ADGRG1: variants seen among roughly 807,000 people sequenced by gnomAD.
The protein encoded by ADGRG1 is 7-transmembrane protein with no EGF-like N-terminal domains-1.
In ADGRG1, 53 loss-of-function variants were observed where a neutral mutation model predicts 73.5. The ratio of observed to expected loss-of-function variants is 0.72; its 90% confidence interval spans 0.58 to 0.91. ADGRG1 has a LOEUF of 0.91. Among genes scored for constraint, ADGRG1 ranks in the 40% least tolerant of loss-of-function variants. ADGRG1 has a pLI of 0.00. For synonymous variants in ADGRG1, 394 were observed against 374.4 expected, an observed-to-expected ratio of 1.05 and a Z score of -0.60; for missense variants, 795 against 871.8, an observed-to-expected ratio of 0.91 and a Z score of 1.11.
chr16:57,654,483 T>C (rs1343889726), intron 5 of ADGRG1, among the ~76,000 whole-genome samples: 1 of 137,182 alleles, frequency 7.3e-6, no homozygotes, highest in African/African-American at 2.7e-5. Context: ...AGTGGGGTAA[T>C]CATGTCTCAC....
chr16:57,640,671 G>T (rs976261554), intron 1 of ADGRG1, among the ~76,000 whole-genome samples: 1 of 152,202 alleles, frequency 6.6e-6, no homozygotes, highest in African/African-American at 2.4e-5. Context: ...GCACAGTCAG[G>T]CTCGGGCCCC....
At chr16:57,631,423 G>T in intron 1 of ADGRG1, 1 of 985,370 alleles carries the variant, frequency 1.0e-6, no homozygotes, top group Non-Finnish European at 1.2e-6. Flanking sequence ...CTTCCATGTG[G>T]CAGGGCTCCC....
At chr16:57,645,431 A>G in intron 1 of ADGRG1, 1 of 608,106 alleles carries the variant, frequency 1.6e-6, no homozygotes, top group Non-Finnish European at 2.0e-6. Flanking sequence ...AGCCCCTTCC[A>G]GGGCCCCGCT....
chr16:57,657,124 A>G (rs541791947), intron 9 of ADGRG1, among the ~76,000 whole-genome samples: 128 of 152,364 alleles, frequency 8.4e-4, no homozygotes, highest in African/African-American at 2.7e-3. Flanking sequence ...CCAGGACAGA[A>G]TAGGGGTTCT....
At chr16:57,650,382 T>C (rs768440020) in intron 2 of ADGRG1, 31 bp downstream of exon 2, 1 of 1,607,638 alleles carries the variant, frequency 6.2e-7, no homozygotes. Context: ...CCTGGGCTGT[T>C]GGAACTTACG....
chr16:57,623,136 C>A, upstream of ADGRG1: 1 of 970,342 alleles, frequency 1.0e-6, no homozygotes, highest in Non-Finnish European at 1.2e-6. Flanking sequence ...ACAAATGGGG[C>A]AAATCCTCCT....
At chr16:57,649,110 G>T (rs1003598241) in intron 1 of ADGRG1, among the ~76,000 whole-genome samples, 1 of 152,186 alleles carries the variant, frequency 6.6e-6, no homozygotes, top group African/African-American at 2.4e-5. Flanking sequence ...TTGCCAGGGC[G>T]GGGCAATACC....
At chr16:57,632,279 C>T (rs996679525) in intron 1 of ADGRG1, 123 of 985,314 alleles carry the variant, frequency 1.2e-4, no homozygotes, top group Non-Finnish European at 1.4e-4. Context: ...TGTAGGGTGA[C>T]AGGGCCCGTA....
chr16:57,637,816 A>T (rs2039744457), intron 1 of ADGRG1: 1 of 513,578 alleles, frequency 1.9e-6, no homozygotes, highest in Non-Finnish European at 2.5e-6. Flanking sequence ...CCTCTGCCAG[A>T]AATCATCCCA....
intron 1 of ADGRG1, among the ~76,000 whole-genome samples, chr16:57,640,542 G>A (rs1337678613): frequency 3.3e-5 from 5 of 152,240 alleles, no homozygotes; most frequent in African/African-American, 1.2e-4. Flanking sequence ...GTCACTGGAG[G>A]TGGTGAGCAC....
chr16:57,663,561 C>A lies in ADGRG1; in HGVS notation c.2043C>A (p.Ser681Arg). 2 of 1,613,626 alleles carry A rather than the reference C, an allele frequency of 1.2e-6. No individual in the cohort carries two copies. The highest frequency in any genetic ancestry group is 1.7e-6 in the Non-Finnish European group (2 of 1,180,002). The change falls in exon 14 of 14, where the codon AGC becomes AGA. Residue 681 changes from serine (S) to arginine (R), a missense_variant. Transcript: ENST00000562631. ...CCAGGCTCCCCATCAGCTCGGGCAG[C>A]ACCTCGTCCAGCCGCATCTAGGCCT... ...DSARLPISSG[S>R]TSSSRI is the part of the protein sequence containing the mutation.
At chr16:57,634,728 G>A (rs1017488376) in intron 1 of ADGRG1, 7 of 175,540 alleles carry the variant, frequency 4.0e-5, no homozygotes, top group African/African-American at 1.7e-4. Flanking sequence ...AGCAACTTTG[G>A]CATCGCATGG....
chr16:57,630,177 G>A (rs1017430706), intron 1 of ADGRG1: 1 of 395,576 alleles, frequency 2.5e-6, no homozygotes, highest in Non-Finnish European at 3.4e-6. Context: ...CAAGCCCCCT[G>A]CCCCTCCCAG....
At chr16:57,630,290 G>A in intron 1 of ADGRG1, 1 of 867,406 alleles carries the variant, frequency 1.2e-6, no homozygotes. Flanking sequence ...TGGCTCCCCA[G>A]AGCCCAGGCA....
intron 12 of ADGRG1, 23 bp downstream of exon 12, chr16:57,660,899 G>T (rs758788258): frequency 2.2e-6 from 3 of 1,380,694 alleles, no homozygotes; most frequent in Non-Finnish European, 2.1e-6. Flanking sequence ...GTGCAATGGG[G>T]GCAAGAAGGT....
In ADGRG1 at chr16:57,645,073, C is replaced by G. The variant is rs1307281857; in HGVS notation, c.-35-5180C>G. ...CACACTCATGCACACGCACACACAC[C>G]CACATGCCTGTGTAACTCGCAGGAG... On this transcript the variant is annotated intron_variant, in intron 1 of 13. Coordinates refer to ENST00000562631, the MANE Select transcript of ADGRG1 (RefSeq NM_201525.4). The G allele has an allele frequency of 3.0e-6, 3 of 985,252 alleles. No individual in the cohort carries two copies. The East Asian group carries it at 3.4e-4, about 112-fold the overall frequency. The allele number at this position is 985,252 out of a possible 1,614,324, so 61.0% of individuals were successfully genotyped here.
chr16:57,634,398 C>T (rs34286116), intron 1 of ADGRG1: 1 of 985,302 alleles, frequency 1.0e-6, no homozygotes, highest in African/African-American at 1.7e-5. Flanking sequence ...TGCTGTGTCA[C>T]CATCTGGGCA....
At chr16:57,662,993 G>A in intron 13 of ADGRG1, 1 of 985,060 alleles carries the variant, frequency 1.0e-6, no homozygotes, top group Non-Finnish European at 1.2e-6. Flanking sequence ...ATTCCTGCCT[G>A]TGAGATGAGG....
At chr16:57,646,833 A>T in intron 1 of ADGRG1, 1 of 810,898 alleles carries the variant, frequency 1.2e-6, no homozygotes, top group Non-Finnish European at 1.5e-6. Flanking sequence ...GATAACGTGG[A>T]TGTCACCACT....
Sources: allele counts gnomAD v4.1 joint callset (sites outside exome capture counted in the v4.1 genomes callset), GRCh38; gene constraint gnomAD v4.1.1; transcripts MANE v1.5; gene names NCBI Gene and HGNC (gene_info 2026-07-23, HGNC 2026-07-21).